WFDC8: variants seen among roughly 807,000 people sequenced by gnomAD.
The protein encoded by WFDC8 is WAP four-disulfide core domain 8.
In WFDC8, 24 loss-of-function variants were observed where a neutral mutation model predicts 27.0. The observed-to-expected ratio is 0.89, with a 90% CI of 0.64 to 1.25. WFDC8 has a LOEUF of 1.25. Among genes scored for constraint, WFDC8 ranks in the 50% most tolerant of loss-of-function variants. The probability of loss-of-function intolerance (pLI) is 0.00; values close to 1 mark genes in which losing one functional copy is unlikely to be tolerated. For synonymous variants in WFDC8, 106 were observed against 99.7 expected (o/e 1.06, Z -0.38); for missense variants, 287 against 295.9 (o/e 0.97, Z 0.22).
chr20:45,555,608 G>A, intron 4 of WFDC8, 93 bp downstream of exon 4: 1 of 1,451,306 alleles, frequency 6.9e-7, no homozygotes, highest in Non-Finnish European at 9.5e-7. Context: ...CTTGAACCAA[G>A]GAACTTTAAC....
rs139094922 is a variant in WFDC8, at chr20:45,561,932, G to T, written c.136+178C>A. ...TATGGAAAAGTTAGGGAAATAATTT[G>T]GGGGGAGCAAGTAAGGAAAGTATGT... On this transcript the variant is annotated intron_variant, in intron 2 of 5. Transcript: ENST00000289953. Among the ~76,000 whole-genome samples, 74 of 152,184 alleles carry T rather than the reference G, an allele frequency of 4.9e-4. 1 individual carries two copies. The highest frequency in any genetic ancestry group is 1.7e-3 in the African/African-American group (71 of 41,490).
intron 3 of WFDC8, among the ~76,000 whole-genome samples, chr20:45,558,347 A>G (rs1980342821): frequency 6.6e-6 from 1 of 152,222 alleles, no homozygotes; most frequent in African/African-American, 2.4e-5. Flanking sequence ...GTTCAACTAT[A>G]GGTGTATTCT....
intron 1 of WFDC8, among the ~76,000 whole-genome samples, chr20:45,565,595 G>C (rs1358188596): frequency 6.6e-6 from 1 of 152,024 alleles, no homozygotes; most frequent in Non-Finnish European, 1.5e-5. Flanking sequence ...TCCAAACAAA[G>C]GAACAATTCA....
chr20:45,557,722 C>T (rs1157879383), intron 3 of WFDC8, among the ~76,000 whole-genome samples: 7 of 152,132 alleles, frequency 4.6e-5, no homozygotes, highest in African/African-American at 1.2e-4. Context: ...TGTGAGCCAC[C>T]GTGCCCAGCC....
At chr20:45,566,492 T>C (rs1980681640) in intron 1 of WFDC8, among the ~76,000 whole-genome samples, 1 of 151,974 alleles carries the variant, frequency 6.6e-6, no homozygotes, top group African/African-American at 2.4e-5. Flanking sequence ...TTAAACCCTG[T>C]CTCTACTAAA....
At chr20:45,552,386 T>A (rs547850714) in intron 5 of WFDC8, among the ~76,000 whole-genome samples, 2 of 152,170 alleles carry the variant, frequency 1.3e-5, no homozygotes, top group African/African-American at 4.8e-5. Flanking sequence ...ACTTGTACCA[T>A]CTGATAGGAT....
intron 1 of WFDC8, among the ~76,000 whole-genome samples, chr20:45,570,821 T>G (rs1187326906): frequency 2.0e-5 from 3 of 152,196 alleles, no homozygotes; most frequent in Non-Finnish European, 4.4e-5. Context: ...ACACACCTGT[T>G]AGCGTTTGGT....
At chr20:45,574,544 C>T (rs1347829359) in intron 1 of WFDC8, among the ~76,000 whole-genome samples, 1 of 152,134 alleles carries the variant, frequency 6.6e-6, no homozygotes, top group Non-Finnish European at 1.5e-5. Flanking sequence ...CCTGTAATCC[C>T]AGCAATTTGG....
intron 5 of WFDC8, 89 bp from the exon 6 acceptor site, chr20:45,552,254 G>A (rs1490577134): frequency 5.5e-5 from 82 of 1,497,502 alleles, no homozygotes; most frequent in Non-Finnish European, 6.8e-5. Flanking sequence ...CTCAAACAAG[G>A]TTTTATTCTG....
chr20:45,560,821 G>A (rs1211829518), intron 2 of WFDC8, among the ~76,000 whole-genome samples: 1 of 152,198 alleles, frequency 6.6e-6, no homozygotes, highest in African/African-American at 2.4e-5. Flanking sequence ...AGAAGAGTAT[G>A]TGGTTCCTAA....
chr20:45,567,322 A>C (rs747213246), intron 1 of WFDC8, among the ~76,000 whole-genome samples: 3 of 152,222 alleles, frequency 2.0e-5, no homozygotes, highest in Non-Finnish European at 4.4e-5. Context: ...ACACTCAAAT[A>C]ATAAGCCACA....
chr20:45,551,897 C>A lies in WFDC8; in HGVS notation c.*129G>T. On this transcript the variant is annotated 3_prime_UTR_variant, in exon 6 of 6. Coordinates refer to ENST00000289953, the MANE Select transcript of WFDC8 (RefSeq NM_130896.3). ...CAGATGATGGGATTATATATAAAAT[C>A]AAAGTAACATCATTCAATATTGTGA... 1.7e-6 allele frequency: 2 copies of A among 1,163,022 alleles called. No homozygotes were observed. Among genetic ancestry groups the A allele is most frequent in the South Asian group, 1.7e-5 (1 of 58,406 alleles). The allele number at this position is 1,163,022 out of a possible 1,614,324, so 72.0% of individuals were successfully genotyped here. A position where few individuals can be genotyped will look rare whatever the true frequency, so the allele number is the denominator to read the frequency against.
chr20:45,555,984 ATGGCAGGGG>A, intron 3 of WFDC8, 116 bp from the exon 4 acceptor site: 2 of 1,067,410 alleles, frequency 1.9e-6, no homozygotes, highest in South Asian at 1.6e-5. Flanking sequence ...AAAAGGAGCC[ATGGCAGGGG>A]AAAAAAAAAG....
chr20:45,555,641 T>C lies in WFDC8; in HGVS notation c.445+60A>G, dbSNP rs982454637. 3.2e-6 allele frequency: 5 copies of C among 1,584,760 alleles called. No individual in the cohort carries two copies. The African/African-American group carries it at 6.7e-5, about 21-fold the overall frequency. On this transcript the variant is annotated intron_variant, in intron 4 of 5. Coordinates refer to ENST00000289953, the MANE Select transcript of WFDC8 (RefSeq NM_130896.3). ...AACCTCAAATCCTGAGCCTATAACC[T>C]CATTGGTATACTATTTCTAGTTAAA...
intron 5 of WFDC8, among the ~76,000 whole-genome samples, chr20:45,552,573 A>C (rs1210559307): frequency 6.6e-6 from 1 of 152,240 alleles, no homozygotes; most frequent in East Asian, 1.9e-4. Context: ...AAGTTGAAGT[A>C]GGTTGAAAAG....
chr20:45,557,991 C>T (rs769950633), intron 3 of WFDC8, among the ~76,000 whole-genome samples: 1 of 152,174 alleles, frequency 6.6e-6, no homozygotes, highest in Non-Finnish European at 1.5e-5. Flanking sequence ...TGAAGTGAGA[C>T]AAAAACAAGA....
chr20:45,571,792 A>G (rs719998), intron 1 of WFDC8, among the ~76,000 whole-genome samples: 102,653 of 152,016 alleles, frequency 0.68, 34,741 homozygotes, highest in Admixed American at 0.72. Flanking sequence ...CATCCATGTT[A>G]TTGCAAATGA....
chr20:45,565,037 A>G (rs1328416636), intron 1 of WFDC8, among the ~76,000 whole-genome samples: 1 of 102,138 alleles, frequency 9.8e-6, no homozygotes, highest in South Asian at 2.9e-4. Flanking sequence ...AGGAAGGAAG[A>G]AGAAAGGAAG....
chr20:45,562,504 C>G lies in WFDC8; in HGVS notation c.27-285G>C, dbSNP rs1251907585. 1.4e-5 allele frequency among the ~76,000 whole-genome samples: 2 copies of G among 142,400 alleles called. 1 individual carries two copies. Among genetic ancestry groups the G allele is most frequent in the South Asian group, 5.1e-4 (2 of 3,928 alleles). The allele number at this position is 142,400 out of a possible 152,430, so 93.4% of individuals were successfully genotyped here. A position where few individuals can be genotyped will look rare whatever the true frequency, so the allele number is the denominator to read the frequency against. ...TCTTGTTCCTGGGTAAAAGGCCACACTTGAATGATCACAAGGATTTATTTG... is the reference window on the plus strand; with the variant it reads ...TCTTGTTCCTGGGTAAAAGGCCACAGTTGAATGATCACAAGGATTTATTTG... On this transcript the variant is annotated intron_variant, in intron 1 of 5. Coordinates refer to ENST00000289953, the MANE Select transcript of WFDC8 (RefSeq NM_130896.3).
Sources: allele counts gnomAD v4.1 joint callset (sites outside exome capture counted in the v4.1 genomes callset), GRCh38; gene constraint gnomAD v4.1.1; transcripts MANE v1.5; gene names NCBI Gene and HGNC (gene_info 2026-07-23, HGNC 2026-07-21).